Variants in SQSTM1 observed in about 807,000 individuals in gnomAD.
The protein encoded by SQSTM1 is sequestosome 1.
In SQSTM1, 36 loss-of-function variants were observed where a neutral mutation model predicts 45.1. That is an observed-to-expected ratio of 0.80 (90% CI 0.61 to 1.05). SQSTM1 has a LOEUF of 1.05. Among genes scored for constraint, SQSTM1 ranks in the 50% least tolerant of loss-of-function variants. SQSTM1 has a pLI of 0.00. For missense variants in SQSTM1, 617 were observed against 607.1 expected (o/e 1.02, Z -0.17); for synonymous variants, 290 against 244.3 (o/e 1.19, Z -1.74).
chr5:179,817,311 A>G (rs1757613437), upstream of SQSTM1, among the ~76,000 whole-genome samples: 1 of 152,066 alleles, frequency 6.6e-6, no homozygotes, highest in African/African-American at 2.4e-5. Flanking sequence ...TCGTGCCTTT[A>G]GACACCGCCG....
upstream of SQSTM1, among the ~76,000 whole-genome samples, chr5:179,818,605 G>A (rs1035834279): frequency 3.3e-5 from 5 of 152,160 alleles, no homozygotes; most frequent in Non-Finnish European, 7.4e-5. Context: ...ACCACTGGGC[G>A]CTTGGCTCAG....
intron 4 of SQSTM1, 76 bp from the exon 5 acceptor site, chr5:179,825,070 G>T: frequency 6.8e-7 from 1 of 1,480,596 alleles, no homozygotes; most frequent in Non-Finnish European, 9.4e-7. Flanking sequence ...AGGGACCTTG[G>T]CAAGAAGGTG....
Position 179,837,035 on chromosome 5 carries a change from C to T in SQSTM1, c.*442C>T. ...AGTAAGCCTAGGTGTTGTCAGCAGG[C>T]AGGCTGGGGAGGCCAGTGTTGTGGG... is the stretch of plus-strand genomic sequence containing the variant. On this transcript the variant is annotated 3_prime_UTR_variant, in exon 8 of 8. Transcript: ENST00000389805. 1.6e-6 allele frequency: 1 copy of T among 638,930 alleles called. No homozygotes were observed. The allele number at this position is 638,930 out of a possible 1,614,324, so 39.6% of individuals were successfully genotyped here. A position where few individuals can be genotyped will look rare whatever the true frequency, so the allele number is the denominator to read the frequency against.
At chr5:179,817,071 A>G (rs1757602338), upstream of SQSTM1, among the ~76,000 whole-genome samples, 3 of 149,720 alleles carry the variant, frequency 2.0e-5, no homozygotes, top group African/African-American at 7.3e-5. Flanking sequence ...GCGGGCGTGC[A>G]CGGTTGGGCC....
In SQSTM1 at chr5:179,836,734, G is replaced by A; in HGVS notation, c.*141G>A. 1 of 1,306,980 alleles carries A rather than the reference G, an allele frequency of 7.7e-7. No individual in the cohort carries two copies. The highest frequency in any genetic ancestry group is 1.1e-6 in the Non-Finnish European group (1 of 910,216). 81.0% of individuals were successfully genotyped at this position (1,306,980 alleles called of 1,614,324 possible). ...GGTTAGGGTGCAAGAAGCCATTTAG[G>A]GCAGCAAAACAAGTGACATGAAGGG... On this transcript the variant is annotated 3_prime_UTR_variant, in exon 8 of 8. Transcript: ENST00000389805.
In SQSTM1 at chr5:179,824,177, C is replaced by T. The variant is rs773169332; in HGVS notation, c.532-5C>T. 4 of 1,613,664 alleles carry T rather than the reference C, an allele frequency of 2.5e-6. No individual in the cohort carries two copies. The African/African-American group carries it at 5.3e-5, about 22-fold the overall frequency. On this transcript the variant is annotated splice_polypyrimidine_tract_variant and splice_region_variant and intron_variant, in intron 3 of 7. Transcript: ENST00000389805. ...TGCCTGCCGCTCTGCTAATTCCTCC[C>T]CCAGGGCTTCTCGCACAGCCGCTGG... is the stretch of plus-strand genomic sequence containing the variant.
At chr5:179,818,397 G>GTC (rs1291635401), upstream of SQSTM1, among the ~76,000 whole-genome samples, 1 of 152,208 alleles carries the variant, frequency 6.6e-6, no homozygotes, top group Non-Finnish European at 1.5e-5. Context: ...CAGTGGCCTT[G>GTC]TCTCTGGCTG....
At chr5:179,815,494 G>A (rs1046935057), upstream of SQSTM1, among the ~76,000 whole-genome samples, 1 of 152,032 alleles carries the variant, frequency 6.6e-6, no homozygotes, top group Non-Finnish European at 1.5e-5. Context: ...TACAATTGAC[G>A]AAAACCACAA....
At chr5:179,827,675 A>T (rs997350647) in intron 5 of SQSTM1, among the ~76,000 whole-genome samples, 1 of 152,252 alleles carries the variant, frequency 6.6e-6, no homozygotes. Flanking sequence ...TCTACAAACA[A>T]GGAATATTTC....
At chr5:179,819,659 C>T (rs1757698950), upstream of SQSTM1, among the ~76,000 whole-genome samples, 1 of 152,262 alleles carries the variant, frequency 6.6e-6, no homozygotes, top group Non-Finnish European at 1.5e-5. Context: ...TCCCCTGCCC[C>T]TGTCTGCAAG....
At chr5:179,831,642 C>T (rs1480633055) in intron 5 of SQSTM1, among the ~76,000 whole-genome samples, 1 of 151,948 alleles carries the variant, frequency 6.6e-6, no homozygotes, top group Non-Finnish European at 1.5e-5. Flanking sequence ...CCAGCCTGGG[C>T]AACAGAGCGA....
At chr5:179,818,440 C>T (rs951664762), upstream of SQSTM1, among the ~76,000 whole-genome samples, 5 of 152,202 alleles carry the variant, frequency 3.3e-5, no homozygotes, top group African/African-American at 1.2e-4. Flanking sequence ...TGACTCCACG[C>T]CCCAAAGAAA....
At chr5:179,828,777 T>C (rs1057232313) in intron 5 of SQSTM1, among the ~76,000 whole-genome samples, 1 of 151,568 alleles carries the variant, frequency 6.6e-6, no homozygotes, top group African/African-American at 2.4e-5. Context: ...TTACCTCTGC[T>C]CCCCCCTTAA....
chr5:179,828,052 C>T (rs1330375496), intron 5 of SQSTM1, among the ~76,000 whole-genome samples: 3 of 152,152 alleles, frequency 2.0e-5, no homozygotes, highest in East Asian at 1.9e-4. Flanking sequence ...TTTGATAAAC[C>T]GACACGCAGA....
At chr5:179,825,088 T>C (rs1757937971) in intron 4 of SQSTM1, 58 bp from the exon 5 acceptor site, 1 of 1,559,252 alleles carries the variant, frequency 6.4e-7, no homozygotes. Flanking sequence ...GTGACAGGAC[T>C]GTGACAGGTA....
At position 179,825,240 on chromosome 5, in the gene SQSTM1, C is replaced by G. The variant is rs1286990461; in HGVS notation, c.754+14C>G. The G allele has an allele frequency of 1.2e-6, 2 of 1,609,362 alleles. No homozygotes were observed. Among genetic ancestry groups the G allele is most frequent in the Middle Eastern group, 1.7e-4 (1 of 5,728 alleles). ...TTAGCCCTCTGGGTGAGTGCACCTC[C>G]TTGCCCAGTGCTTCCCTAACTCAGC... On this transcript the variant is annotated intron_variant, in intron 5 of 7. Coordinates refer to ENST00000389805, the MANE Select transcript of SQSTM1 (RefSeq NM_003900.5).
intron 1 of SQSTM1, chr5:179,821,520 C>T (rs1442963844): frequency 2.0e-6 from 1 of 500,782 alleles, no homozygotes. Flanking sequence ...CAGGCGGGCA[C>T]TCGGGTTACA....
At position 179,806,606 on chromosome 5, in the gene SQSTM1, C is replaced by G. The variant is rs1757171862; in HGVS notation, c.-157+15C>G. 1.6e-6 allele frequency: 2 copies of G among 1,212,778 alleles called. No homozygotes were observed. The highest frequency in any genetic ancestry group is 3.5e-5 in the South Asian group (2 of 56,624). 75.1% of individuals were successfully genotyped at this position (1,212,778 alleles called of 1,614,324 possible). On this transcript the variant is annotated intron_variant, in intron 1 of 5. Coordinates refer to the SQSTM1 transcript ENST00000514093. The surrounding 1 kb of genome is among the most constrained non-coding windows in gnomAD (Gnocchi z 4.6). ...CATCTCCTCGGGTGCGCGGCGGGCG[C>G]CCGCGGGGCCGAGGCTGCATGGCCC...
Position 179,823,871 on chromosome 5 carries a change from C to A in SQSTM1, c.315C>A (p.Cys105Ter). The change falls in exon 3 of 8, where the codon TGC becomes TGA. Residue 105 changes from cysteine to a stop codon, truncating the protein, a stop_gained. Transcript: ENST00000389805. LOFTEE classifies it high-confidence loss of function. ...CCCTTCCTGTAGAGAAAAAAGAGTG[C>A]CGGCGGGACCACCGCCCACCGTGTG... ...FRIYIKEKKECRRDHRPPCAQ... is the reference protein window; with the variant it reads ...FRIYIKEKKE 6.2e-7 allele frequency: 1 copy of A among 1,612,022 alleles called. No homozygotes were observed. The highest frequency in any genetic ancestry group is 8.5e-7 in the Non-Finnish European group (1 of 1,179,958).
Sources: allele counts gnomAD v4.1 joint callset (sites outside exome capture counted in the v4.1 genomes callset), GRCh38; gene constraint gnomAD v4.1.1; non-coding constraint Gnocchi (gnomAD v3.1); transcripts MANE v1.5; gene names NCBI Gene and HGNC (gene_info 2026-07-23, HGNC 2026-07-21).